Variants in XKR6 observed in about 807,000 individuals in gnomAD.
The protein encoded by XKR6 is XK-related protein 6.
XKR6 carries 22 observed loss-of-function variants against 56.7 expected under a neutral mutation model. The ratio of observed to expected loss-of-function variants is 0.39; its 90% CI spans 0.28 to 0.55. The LOEUF is 0.55. XKR6 is among the 20% of genes least tolerant of loss of function. The pLI, the probability that XKR6 is intolerant of heterozygous loss-of-function variation, is 0.66. For missense variants in XKR6, 852 were observed against 889.0 expected, an observed-to-expected ratio of 0.96 and a Z score of 0.53; for synonymous variants, 524 against 387.8, an observed-to-expected ratio of 1.35 and a Z score of -4.13.
intron 1 of XKR6, among the ~76,000 whole-genome samples, chr8:11,178,377 G>A (rs956162372): frequency 2.6e-5 from 4 of 151,640 alleles, no homozygotes; most frequent in Non-Finnish European, 4.4e-5. Context: ...GTCTTATGTG[G>A]CTTCGGTCAT....
chr8:11,124,452 C>A, intron 1 of XKR6: 1 of 164,240 alleles, frequency 6.1e-6, no homozygotes. Context: ...AAGTCACAAG[C>A]AGAAGCTGAA....
chr8:11,153,532 C>T (rs1182503534), intron 1 of XKR6, among the ~76,000 whole-genome samples: 1 of 151,874 alleles, frequency 6.6e-6, no homozygotes, highest in Non-Finnish European at 1.5e-5. Context: ...ATTTGAACTC[C>T]TGACATGGGG....
intron 1 of XKR6, among the ~76,000 whole-genome samples, chr8:10,990,379 C>T (rs1462670517): frequency 2.0e-5 from 3 of 152,190 alleles, no homozygotes; most frequent in African/African-American, 4.8e-5. Flanking sequence ...TGTCCATGGT[C>T]ACAACCCATC....
rs775809495 is a variant in XKR6, at chr8:10,970,819, A to AAAC, written c.765-45990_765-45989insGTT. On this transcript the variant is annotated intron_variant, in intron 1 of 2. Coordinates refer to ENST00000416569, the MANE Select transcript of XKR6 (RefSeq NM_173683.4). ...AAAAGGATCCTTAAAAAAAAAAAAA[A>AAAC]AAACCTCTGTATCATTAACAAAATT... Among the ~76,000 whole-genome samples the AAAC allele has an allele frequency of 4.6e-5, 7 of 151,962 alleles. No homozygotes were observed. The East Asian group carries it at 7.8e-4, about 17-fold the overall frequency.
chr8:11,150,309 A>G (rs1212444826), intron 1 of XKR6, among the ~76,000 whole-genome samples: 1 of 152,244 alleles, frequency 6.6e-6, no homozygotes, highest in African/African-American at 2.4e-5. Flanking sequence ...ATCATTATAC[A>G]TTCTATCCAT....
rs1801364613 is a variant in XKR6 at position 10,940,753 on chromosome 8, A to G, written c.765-15923T>C. On this transcript the variant is annotated intron_variant, in intron 1 of 2. Transcript: ENST00000416569. ...CACAAACAACCTGTACGCGACAACC[A>G]GCTGTACCCCGAGATGTCACACACA... 2.0e-5 allele frequency among the ~76,000 whole-genome samples: 3 copies of G among 152,050 alleles called. No homozygotes were observed. The South Asian group carries it at 6.2e-4, about 32-fold the overall frequency.
At position 10,911,571 on chromosome 8, in the gene XKR6, T is replaced by G. The variant is rs553865185; in HGVS notation, c.962-12655A>C. 2.2e-3 allele frequency among the ~76,000 whole-genome samples: 323 copies of G among 146,204 alleles called. 1 individual carries two copies. Among genetic ancestry groups the G allele is most frequent in the African/African-American group, 7.2e-3 (285 of 39,622 alleles). ...TATATAGAGAGAATATCTATATATA[T>G]ATAGAGAGAGAGAGGAAGAGAGAGG... On this transcript the variant is annotated intron_variant, in intron 2 of 2. Transcript: ENST00000416569.
rs1487313726 is a variant in XKR6, at chr8:10,933,718, C to T, written c.765-8888G>A. Reference sequence around the variant, plus strand: ...AGATCAGATAGTTGTAGGTAAGCGGCGTTATTTCTGAGGGCTCTATTCTGT... The same window carrying T: ...AGATCAGATAGTTGTAGGTAAGCGGTGTTATTTCTGAGGGCTCTATTCTGT... On this transcript the variant is annotated intron_variant, in intron 1 of 2. Transcript: ENST00000416569. 1.4e-4 allele frequency among the ~76,000 whole-genome samples: 21 copies of T among 149,788 alleles called. No individual in the cohort carries two copies. In the East Asian group the frequency reaches 3.3e-3, roughly 24 times the overall value.
At chr8:10,908,863 G>A (rs892317239) in intron 2 of XKR6, among the ~76,000 whole-genome samples, 14 of 151,568 alleles carry the variant, frequency 9.2e-5, no homozygotes, top group African/African-American at 3.4e-4. Flanking sequence ...GTGGGTTCCT[G>A]ACTTTTAAAA....
intron 1 of XKR6, among the ~76,000 whole-genome samples, chr8:10,970,392 T>C (rs1802369796): frequency 6.6e-6 from 1 of 152,176 alleles, no homozygotes; most frequent in African/African-American, 2.4e-5. Flanking sequence ...TCTCTGTGTC[T>C]GGAACCTAAC....
At position 10,926,441 on chromosome 8, in the gene XKR6, T is replaced by C. The variant is rs367546063; in HGVS notation, c.765-1611A>G. Among the ~76,000 whole-genome samples, 27 of 152,352 alleles carry C rather than the reference T, an allele frequency of 1.8e-4. No homozygotes were observed. The East Asian group carries it at 4.8e-3, about 27-fold the overall frequency. On this transcript the variant is annotated intron_variant, in intron 1 of 2. Transcript: ENST00000416569. Reference sequence around the variant, plus strand: ...TCCTAAGGCCCTTTGGGGGCCTGGATCCTGAAGGCACCCAGCCAGGGAAGC... The same window carrying C: ...TCCTAAGGCCCTTTGGGGGCCTGGACCCTGAAGGCACCCAGCCAGGGAAGC...
intron 1 of XKR6, among the ~76,000 whole-genome samples, chr8:10,969,779 C>T (rs1802346333): frequency 1.3e-5 from 2 of 152,218 alleles, no homozygotes; most frequent in Non-Finnish European, 2.9e-5. Flanking sequence ...GCCAGGAGGC[C>T]ACAGTATATG....
chr8:11,179,427 G>A (rs912379314), intron 1 of XKR6, among the ~76,000 whole-genome samples: 1 of 152,158 alleles, frequency 6.6e-6, no homozygotes, highest in African/African-American at 2.4e-5. Flanking sequence ...ACCACCATCT[G>A]AGCCACCAGT....
At chr8:11,141,370 G>A (rs1800691005) in intron 1 of XKR6, among the ~76,000 whole-genome samples, 1 of 152,160 alleles carries the variant, frequency 6.6e-6, no homozygotes, top group South Asian at 2.1e-4. Flanking sequence ...TTTAGATGAG[G>A]TCATGAGGGT....
intron 1 of XKR6, among the ~76,000 whole-genome samples, chr8:11,080,911 A>C (rs1797697065): frequency 6.6e-6 from 1 of 152,252 alleles, no homozygotes; most frequent in African/African-American, 2.4e-5. Context: ...TACACACGTG[A>C]AAACTGTGGA....
chr8:11,083,996 T>A (rs974122571), intron 1 of XKR6, among the ~76,000 whole-genome samples: 1 of 152,170 alleles, frequency 6.6e-6, no homozygotes, highest in African/African-American at 2.4e-5. Context: ...ACATTAGGAA[T>A]CTGGAGAAAA....
At chr8:10,903,187 T>G (rs1039104206) in intron 2 of XKR6, among the ~76,000 whole-genome samples, 1 of 152,238 alleles carries the variant, frequency 6.6e-6, no homozygotes, top group Non-Finnish European at 1.5e-5. Flanking sequence ...TACGTCGTTA[T>G]GTTTGGCCAA....
rs559745998 is a variant in XKR6, at chr8:11,076,503, C to T, written c.764+124073G>A. 1.5e-4 allele frequency among the ~76,000 whole-genome samples: 23 copies of T among 152,296 alleles called. 1 individual carries two copies. The South Asian group carries it at 2.3e-3, about 15-fold the overall frequency. On this transcript the variant is annotated intron_variant, in intron 1 of 2. Transcript: ENST00000416569. Reference sequence around the variant, plus strand: ...GACGCCATGAGGCACTAGAAGAACCCAAGGCCTGGAGTCAGGCCAGGGACT... The same window carrying T: ...GACGCCATGAGGCACTAGAAGAACCTAAGGCCTGGAGTCAGGCCAGGGACT...
intron 2 of XKR6, among the ~76,000 whole-genome samples, chr8:10,924,170 C>T (rs565031945): frequency 6.6e-6 from 1 of 152,376 alleles, no homozygotes; most frequent in Non-Finnish European, 1.5e-5. Context: ...ATGGGGCTTA[C>T]ACATGAGCTT....
Sources: allele counts gnomAD v4.1 joint callset (sites outside exome capture counted in the v4.1 genomes callset), GRCh38; gene constraint gnomAD v4.1.1; transcripts MANE v1.5; gene names NCBI Gene and HGNC (gene_info 2026-07-23, HGNC 2026-07-21).